LEMD3: variants seen among roughly 807,000 people sequenced by gnomAD.
The protein encoded by LEMD3 is inner nuclear membrane protein Man1.
Under a neutral mutation model 95.2 loss-of-function variants are expected in LEMD3, and 33 were observed. That is an observed-to-expected ratio of 0.35 (90% confidence interval 0.26 to 0.46). LEMD3 has a LOEUF of 0.46. Ranked by LOEUF, LEMD3 falls within the 20% of genes least tolerant of loss-of-function variation. The probability of loss-of-function intolerance (pLI) is 1.00; values close to 1 mark genes in which losing one functional copy is unlikely to be tolerated. For missense variants in LEMD3, 1,210 were observed against 1,192.8 expected (o/e 1.01, Z -0.21); for synonymous variants, 525 against 474.6 (o/e 1.11, Z -1.38).
intron 1 of LEMD3, among the ~76,000 whole-genome samples, chr12:65,186,083 A>C (rs1404181202): frequency 1.3e-5 from 2 of 152,110 alleles, no homozygotes; most frequent in Non-Finnish European, 2.9e-5. Flanking sequence ...ATATTAGGTT[A>C]TCTCTCTCCA....
chr12:65,178,264 G>A (rs1469269559), intron 1 of LEMD3, among the ~76,000 whole-genome samples: 1 of 151,752 alleles, frequency 6.6e-6, no homozygotes, highest in Non-Finnish European at 1.5e-5. Flanking sequence ...GTGAATGCCA[G>A]GGATTTGCAT....
chr12:65,244,665 C>T (rs1233672065), intron 10 of LEMD3, among the ~76,000 whole-genome samples: 2 of 152,050 alleles, frequency 1.3e-5, no homozygotes, highest in African/African-American at 2.4e-5. Context: ...AAATAACATT[C>T]GGCTGGGCAC....
intron 4 of LEMD3, among the ~76,000 whole-genome samples, chr12:65,232,201 A>C (rs1318793011): frequency 3.9e-5 from 6 of 152,158 alleles, no homozygotes; most frequent in South Asian, 2.1e-4. Context: ...TTCTGGCATA[A>C]ATATGGAGGA....
intron 2 of LEMD3, among the ~76,000 whole-genome samples, chr12:65,213,217 CTGTTTGTT>C (rs574381800): frequency 1.3e-5 from 2 of 152,022 alleles, no homozygotes; most frequent in South Asian, 2.1e-4. Context: ...GTCATTTAAA[CTGTTTGTT>C]TGTTTGTTTG....
intron 1 of LEMD3, among the ~76,000 whole-genome samples, chr12:65,192,296 C>A (rs1374590713): frequency 6.6e-6 from 1 of 152,096 alleles, no homozygotes; most frequent in Non-Finnish European, 1.5e-5. Flanking sequence ...CCACCTTGAC[C>A]ATACATAAAA....
chr12:65,220,484 T>C (rs1170530351), intron 4 of LEMD3, among the ~76,000 whole-genome samples: 1 of 152,260 alleles, frequency 6.6e-6, no homozygotes, highest in Admixed American at 6.5e-5. Context: ...GTCAGATATA[T>C]GGTTTGCAAA....
At chr12:65,206,270 A>C (rs1032753313) in intron 1 of LEMD3, among the ~76,000 whole-genome samples, 1 of 152,180 alleles carries the variant, frequency 6.6e-6, no homozygotes, top group South Asian at 2.1e-4. Context: ...TCATTCAGGC[A>C]TCTGAATGTA....
chr12:65,245,297 A>ATT (rs531377376), intron 10 of LEMD3: 5,208 of 170,148 alleles, frequency 0.031, 281 homozygotes, highest in African/African-American at 0.12. Flanking sequence ...CGCCTGGCTA[A>ATT]TTTTTTTTTT....
chr12:65,228,439 A>G (rs533922916), intron 4 of LEMD3, among the ~76,000 whole-genome samples: 169 of 149,316 alleles, frequency 1.1e-3, no homozygotes, highest in African/African-American at 3.7e-3. Context: ...TCTGTTGCCC[A>G]GGCTGGAGTG....
intron 1 of LEMD3, among the ~76,000 whole-genome samples, chr12:65,204,485 C>T (rs1031859440): frequency 1.3e-5 from 2 of 152,142 alleles, no homozygotes; most frequent in Non-Finnish European, 2.9e-5. Flanking sequence ...CCAGCCCCAT[C>T]CACGTCCCTG....
At chr12:65,210,337 AATT>A (rs1429145537) in intron 1 of LEMD3, among the ~76,000 whole-genome samples, 2 of 152,146 alleles carry the variant, frequency 1.3e-5, no homozygotes, top group Non-Finnish European at 2.9e-5. Context: ...ATTCTAAATG[AATT>A]ATTCAGTTTT....
rs780743767 is a variant in LEMD3, at chr12:65,243,417, C to T, written c.2335C>T (p.Pro779Ser). 1.9e-6 allele frequency: 3 copies of T among 1,602,624 alleles called. No homozygotes were observed. Among genetic ancestry groups the T allele is most frequent in the Non-Finnish European group, 1.7e-6 (2 of 1,169,856 alleles). The change falls in exon 10 of 13, where the codon CCA becomes TCA. Residue 779 changes from proline to serine, a missense_variant. By Grantham distance (74) the Pro-to-Ser change is moderately conservative. Around this residue, in one of 2 missense-constraint regions of LEMD3, gnomAD observed 461 missense variants for 569.8 expected, o/e 0.81. Coordinates refer to ENST00000308330, the MANE Select transcript of LEMD3 (RefSeq NM_014319.5). The part of the protein sequence containing the change: ...AFHLDRRNSP[P>S]NSLTPCLKIR... ...TCATTTAGATAGAAGAAATTCACCA[C>T]CAAATAGTTTGACACCGTGTCTAAA...
At chr12:65,186,087 C>A (rs1310404526) in intron 1 of LEMD3, among the ~76,000 whole-genome samples, 1 of 152,094 alleles carries the variant, frequency 6.6e-6, no homozygotes, top group African/African-American at 2.4e-5. Context: ...TAGGTTATCT[C>A]TCTCCATGCT....
In LEMD3 at chr12:65,192,105, T is replaced by TA. The variant is rs35863115; in HGVS notation, c.1523-18807dup. Among the ~76,000 whole-genome samples, 785 of 138,080 alleles carry TA rather than the reference T, an allele frequency of 5.7e-3. 4 individuals are homozygous for TA. The highest frequency in any genetic ancestry group is 0.018 in the African/African-American group (664 of 37,444). 90.6% of individuals were successfully genotyped at this position (138,080 alleles called of 152,430 possible). A position where few individuals can be genotyped will look rare whatever the true frequency, so the allele number is the denominator to read the frequency against. ...AAATATAGAAAGTTACACAGTTGCTTAAAAAAAAAAAAAAGCACCTTAGCT... is the reference window on the plus strand; with the variant it reads ...AAATATAGAAAGTTACACAGTTGCTTAAAAAAAAAAAAAAAGCACCTTAGCT... On this transcript the variant is annotated intron_variant, in intron 1 of 12. Transcript: ENST00000308330.
At chr12:65,202,813 A>C (rs1364119047) in intron 1 of LEMD3, among the ~76,000 whole-genome samples, 2 of 152,160 alleles carry the variant, frequency 1.3e-5, no homozygotes, top group Non-Finnish European at 2.9e-5. Flanking sequence ...CTGTTTCATC[A>C]AGGTTGTCAA....
intron 4 of LEMD3, among the ~76,000 whole-genome samples, chr12:65,227,700 T>C (rs899574942): frequency 6.6e-5 from 10 of 151,172 alleles, no homozygotes; most frequent in African/African-American, 2.4e-4. Flanking sequence ...CCAACACAAA[T>C]TTGTAAACTT....
In LEMD3 at chr12:65,170,285, G is replaced by A. The variant is rs1486752506; in HGVS notation, c.689G>A (p.Arg230Lys). ...EEGEGEDGEERDPETEEPLWA... is the reference protein window; with the variant it reads ...EEGEGEDGEEKDPETEEPLWA... Reference sequence around the variant, plus strand: ...GGGGAGGGAGAGGACGGTGAGGAGAGGGACCCGGAGACCGAGGAGCCGCTC... The same window carrying A: ...GGGGAGGGAGAGGACGGTGAGGAGAAGGACCCGGAGACCGAGGAGCCGCTC... The change falls in exon 1 of 13, where the codon AGG (arginine) becomes AAG (lysine). Residue 230 changes from arginine (R) to lysine (K), a missense_variant. Arg to Lys is a conservative substitution (Grantham distance 26). This residue lies in a region of LEMD3 where 749 missense variants were observed against 622.9 expected (regional missense o/e 1.20). Transcript: ENST00000308330. 4.4e-6 allele frequency: 7 copies of A among 1,573,972 alleles called. No individual in the cohort carries two copies. The highest frequency in any genetic ancestry group is 6.0e-6 in the Non-Finnish European group (7 of 1,159,892).
chr12:65,244,113 G>A (rs1269164698), intron 10 of LEMD3, among the ~76,000 whole-genome samples: 1 of 152,108 alleles, frequency 6.6e-6, no homozygotes, highest in Non-Finnish European at 1.5e-5. Flanking sequence ...ATCAAATTCT[G>A]TTTGTTTTAA....
At chr12:65,193,061 T>C (rs1009852958) in intron 1 of LEMD3, among the ~76,000 whole-genome samples, 5 of 152,194 alleles carry the variant, frequency 3.3e-5, no homozygotes, top group Admixed American at 1.3e-4. Context: ...ATGATGCTGT[T>C]AGCAGCGGAA....
Sources: allele counts gnomAD v4.1 joint callset (sites outside exome capture counted in the v4.1 genomes callset), GRCh38; gene constraint gnomAD v4.1.1; regional missense constraint gnomAD v4.1.1; transcripts MANE v1.5; gene names NCBI Gene and HGNC (gene_info 2026-07-23, HGNC 2026-07-21).